Variants in NOL4 observed in about 807,000 individuals in gnomAD.
The protein encoded by NOL4 is nucleolar protein 4, also known as cancer/testis antigen 125.
In NOL4, 17 loss-of-function variants were observed where a neutral mutation model predicts 75.9. The ratio of observed to expected loss-of-function variants is 0.22; its 90% CI spans 0.15 to 0.34. The LOEUF is 0.34. NOL4 is among the 10% of genes least tolerant of loss of function. NOL4 has a pLI of 1.00. For synonymous variants in NOL4, 292 were observed against 289.9 expected (o/e 1.01, Z -0.07); for missense variants, 614 against 793.5 (o/e 0.77, Z 2.72).
intron 1 of NOL4, among the ~76,000 whole-genome samples, chr18:34,144,842 C>T (rs1409630012): frequency 1.3e-5 from 2 of 152,084 alleles, no homozygotes; most frequent in Non-Finnish European, 2.9e-5. Context: ...ATGCAGTTCT[C>T]CATGACTCTT....
At chr18:33,985,189 T>A (rs918401729) in intron 6 of NOL4, among the ~76,000 whole-genome samples, 1 of 152,132 alleles carries the variant, frequency 6.6e-6, no homozygotes, top group African/African-American at 2.4e-5. Context: ...GCTTTAAAAC[T>A]TTCTTAAAAA....
chr18:33,975,496 G>A (rs527493357), intron 6 of NOL4, among the ~76,000 whole-genome samples: 5 of 152,166 alleles, frequency 3.3e-5, no homozygotes, highest in African/African-American at 4.8e-5. Context: ...TTAAAAGGCC[G>A]GGTGCAGTGG....
At chr18:34,057,300 G>A (rs911579048) in intron 5 of NOL4, among the ~76,000 whole-genome samples, 5 of 152,014 alleles carry the variant, frequency 3.3e-5, no homozygotes, top group Non-Finnish European at 7.4e-5. Context: ...GTACACTCAC[G>A]AGCACACATA....
At chr18:34,201,480 C>T (rs947308079) in intron 1 of NOL4, among the ~76,000 whole-genome samples, 1 of 151,760 alleles carries the variant, frequency 6.6e-6, no homozygotes, top group African/African-American at 2.4e-5. Flanking sequence ...TTATATATCC[C>T]AAGAGACAGA....
At chr18:34,004,494 A>T (rs138734049) in intron 6 of NOL4, among the ~76,000 whole-genome samples, 239 of 152,158 alleles carry the variant, frequency 1.6e-3, no homozygotes, top group African/African-American at 5.4e-3. Context: ...TTTTAAAGAT[A>T]TTTTTTGTTT....
chr18:34,152,763 A>G (rs1383950890), intron 1 of NOL4, among the ~76,000 whole-genome samples: 1 of 151,904 alleles, frequency 6.6e-6, no homozygotes, highest in African/African-American at 2.4e-5. Flanking sequence ...CGTGCAAGAA[A>G]GAGGGTTTTC....
intron 6 of NOL4, among the ~76,000 whole-genome samples, chr18:33,998,268 T>A (rs542769421): frequency 1.3e-5 from 2 of 152,262 alleles, no homozygotes; most frequent in African/African-American, 4.8e-5. Context: ...GTGAATTGCA[T>A]GGTATATGAA....
intron 6 of NOL4, among the ~76,000 whole-genome samples, chr18:34,001,147 T>C (rs1040982238): frequency 6.6e-6 from 1 of 152,148 alleles, no homozygotes; most frequent in African/African-American, 2.4e-5. Flanking sequence ...TTATTCCTAG[T>C]AACTATATGA....
At chr18:34,166,221 C>G (rs1444802559) in intron 1 of NOL4, among the ~76,000 whole-genome samples, 1 of 152,070 alleles carries the variant, frequency 6.6e-6, no homozygotes, top group South Asian at 2.1e-4. Flanking sequence ...CAGAATATAA[C>G]ATTATAGTTT....
At chr18:33,912,897 AC>A (rs1221248611) in intron 9 of NOL4, among the ~76,000 whole-genome samples, 2 of 152,142 alleles carry the variant, frequency 1.3e-5, no homozygotes, top group Non-Finnish European at 2.9e-5. Context: ...TTCCCTGCTA[AC>A]ATGAAAGCTC....
intron 5 of NOL4, among the ~76,000 whole-genome samples, chr18:34,034,731 C>T (rs1006383302): frequency 6.6e-6 from 1 of 151,734 alleles, no homozygotes; most frequent in Admixed American, 6.6e-5. Context: ...CAGAGTAAGA[C>T]CCTGCCCCAC....
chr18:33,932,288 A>T (rs1160106984), intron 9 of NOL4, among the ~76,000 whole-genome samples: 1 of 152,134 alleles, frequency 6.6e-6, no homozygotes, highest in East Asian at 1.9e-4. Flanking sequence ...AAGGTAGGGC[A>T]TTTCAAGGTA....
intron 10 of NOL4, among the ~76,000 whole-genome samples, 169 bp downstream of exon 10, chr18:33,883,075 A>G (rs1346244982): frequency 6.6e-6 from 1 of 151,586 alleles, no homozygotes; most frequent in African/African-American, 2.4e-5. Context: ...GGGAGGGGGG[A>G]GCGATAGCAT....
rs79908559 is a variant in NOL4, at chr18:33,926,519, G to A, written c.1542+16546C>T. Among the ~76,000 whole-genome samples, 142 of 152,266 alleles carry A rather than the reference G, an allele frequency of 9.3e-4. No individual in the cohort carries two copies. The East Asian group carries it at 0.025, about 27-fold the overall frequency. The stretch of plus-strand genomic sequence containing the variant: ...ATGCTACATATGTAGCAAAGATAAA[G>A]AAATAACCAACAAGAAAGACATTGG... On this transcript the variant is annotated intron_variant, in intron 9 of 10. Transcript: ENST00000261592.
At chr18:34,003,351 A>C (rs927904536) in intron 6 of NOL4, among the ~76,000 whole-genome samples, 2 of 152,026 alleles carry the variant, frequency 1.3e-5, no homozygotes, top group African/African-American at 2.4e-5. Flanking sequence ...TGATTTTTGC[A>C]TCCTCAGTGG....
At chr18:34,037,088 C>G (rs532465734) in intron 5 of NOL4, among the ~76,000 whole-genome samples, 11 of 151,980 alleles carry the variant, frequency 7.2e-5, no homozygotes, top group Non-Finnish European at 1.2e-4. Context: ...TTGCAGAATA[C>G]AAAATGAACA....
intron 10 of NOL4, among the ~76,000 whole-genome samples, chr18:33,880,615 C>G (rs1397173552): frequency 6.6e-6 from 1 of 151,982 alleles, no homozygotes; most frequent in African/African-American, 2.4e-5. Context: ...TTCTGGAGAC[C>G]CATGCGTCCT....
chr18:33,895,557 T>C (rs16965018), intron 9 of NOL4, among the ~76,000 whole-genome samples: 2,167 of 152,258 alleles, frequency 0.014, 51 homozygotes, highest in African/African-American at 0.049. Flanking sequence ...ATTGGTTTTA[T>C]ATGTGTATCA....
chr18:33,974,953 T>C (rs917366183), intron 6 of NOL4, among the ~76,000 whole-genome samples: 5 of 152,196 alleles, frequency 3.3e-5, no homozygotes, highest in African/African-American at 1.2e-4. Flanking sequence ...AAATAAAATG[T>C]GGTATATACA....
Sources: allele counts gnomAD v4.1 joint callset (sites outside exome capture counted in the v4.1 genomes callset), GRCh38; gene constraint gnomAD v4.1.1; transcripts MANE v1.5; gene names NCBI Gene and HGNC (gene_info 2026-07-23, HGNC 2026-07-21).